DEDD: variants seen among roughly 807,000 people sequenced by gnomAD.
The protein encoded by DEDD is death effector domain containing.
Under a neutral mutation model 29.2 loss-of-function variants are expected in DEDD, and 3 were observed. The ratio of observed to expected loss-of-function variants is 0.10; its 90% CI spans 0.05 to 0.27. DEDD has a LOEUF of 0.27. Among genes scored for constraint, DEDD ranks in the 10% least tolerant of loss-of-function variants. The pLI is 1.00. For missense variants in DEDD, 261 were observed against 420.5 expected, an observed-to-expected ratio of 0.62 and a Z score of 3.32; for synonymous variants, 152 against 161.3, an observed-to-expected ratio of 0.94 and a Z score of 0.44.
chr1:161,122,585 A>G lies in DEDD; in HGVS notation c.581-62T>C, dbSNP rs1655626157. 2 of 1,555,184 alleles carry G rather than the reference A, an allele frequency of 1.3e-6. No individual in the cohort carries two copies. Among genetic ancestry groups the G allele is most frequent in the Middle Eastern group, 1.7e-4 (1 of 5,764 alleles). On this transcript the variant is annotated intron_variant, in intron 5 of 5. Coordinates refer to ENST00000368006, the MANE Select transcript of DEDD (RefSeq NM_032998.3). This position sits in a 1 kb window ranked among gnomAD's most constrained non-coding sequence, Gnocchi z 4.2. ...CAGTAAGGGATGAGTTTACAAGCCA[A>G]GCTTGAAAACTGAAAAGCACAACAG...
Position 161,123,162 on chromosome 1 carries a change from G to A in DEDD, c.493C>T (p.Arg165Trp), listed in dbSNP as rs763229280. The A allele has an allele frequency of 1.5e-5, 24 of 1,614,040 alleles. No individual in the cohort carries two copies. Among genetic ancestry groups the A allele is most frequent in the Non-Finnish European group, 1.9e-5 (23 of 1,180,042 alleles). The change falls in exon 5 of 6, where the codon CGG (arginine) becomes TGG (tryptophan). Residue 165 changes from arginine to tryptophan, a missense_variant. Arg to Trp is a moderately radical substitution (Grantham distance 101). Coordinates refer to ENST00000368006, the MANE Select transcript of DEDD (RefSeq NM_032998.3). ...AGTGTGGCTCTCCCTCGGGCTGGCC[G>A]CTTGCTACACATCTGAGGACCCGAA... Reference protein sequence around the residue: ...PTSGPQMCSKRPARGRATLGS... With the variant: ...PTSGPQMCSKWPARGRATLGS...
Position 161,124,279 on chromosome 1 carries a change from G to C in DEDD, c.184C>G (p.Arg62Gly). ...VIDDHERGLI[R>G]NGRDFLLALE... ...GCCAATAAGAAGTCACGTCCATTTCGGATGAGTCCACGCTCGTGGTCATCA... is the reference window on the plus strand; with the variant it reads ...GCCAATAAGAAGTCACGTCCATTTCCGATGAGTCCACGCTCGTGGTCATCA... Residue 62 changes from arginine to glycine, a missense_variant, in exon 3 of 6, where the codon CGA becomes GGA. This residue lies in a region of DEDD where 203 missense variants were observed against 268.7 expected (regional missense o/e 0.76). Coordinates refer to ENST00000368006, the MANE Select transcript of DEDD (RefSeq NM_032998.3). 1.9e-6 allele frequency: 3 copies of C among 1,614,206 alleles called. No homozygotes were observed. The highest frequency in any genetic ancestry group is 2.5e-6 in the Non-Finnish European group (3 of 1,180,028).
chr1:161,130,458 G>A (rs1290716837), intron 2 of DEDD, among the ~76,000 whole-genome samples: 4 of 152,104 alleles, frequency 2.6e-5, no homozygotes, highest in African/African-American at 7.2e-5. Context: ...GTTTCCCACG[G>A]AAGGAAGGTG....
chr1:161,124,231 C>T lies in DEDD; in HGVS notation c.232G>A (p.Asp78Asn), dbSNP rs1655901654. The change falls in exon 3 of 6, where the codon GAT (aspartate) becomes AAT (asparagine). Residue 78 changes from aspartate to asparagine, a missense_variant. By Grantham distance (23) the Asp-to-Asn change is conservative. Around this residue, in one of 2 missense-constraint regions of DEDD, gnomAD observed 203 missense variants for 268.7 expected, o/e 0.76. Transcript: ENST00000368006. ...AGCACCTGGCGAAAGTTACTTTCATCACAGCGGCCCTGGCGCTCCAGTGCC... is the reference window on the plus strand; with the variant it reads ...AGCACCTGGCGAAAGTTACTTTCATTACAGCGGCCCTGGCGCTCCAGTGCC... ...LLALERQGRC[D>N]ESNFRQVLQL... is the part of the protein sequence containing the mutation. The T allele has an allele frequency of 1.2e-6, 2 of 1,614,254 alleles. No individual in the cohort carries two copies. Among genetic ancestry groups the T allele is most frequent in the Non-Finnish European group, 1.7e-6 (2 of 1,180,052 alleles).
Position 161,121,242 on chromosome 1 carries a change from G to T in DEDD, c.*905C>A. 1.1e-6 allele frequency: 1 copy of T among 946,524 alleles called. No homozygotes were observed. Among genetic ancestry groups the T allele is most frequent in the African/African-American group, 1.8e-5 (1 of 56,414 alleles). 58.6% of individuals were successfully genotyped at this position (946,524 alleles called of 1,614,324 possible). On this transcript the variant is annotated 3_prime_UTR_variant, in exon 6 of 6. Coordinates refer to ENST00000368006, the MANE Select transcript of DEDD (RefSeq NM_032998.3). ...CCCAAGCATGGGAGTGGGCGTAGGAGTGGAGGAGGGGGAAGGAAAAAGGAA... is the reference window on the plus strand; with the variant it reads ...CCCAAGCATGGGAGTGGGCGTAGGATTGGAGGAGGGGGAAGGAAAAAGGAA...
In DEDD at chr1:161,122,578, C is replaced by G. The variant is rs1311779437; in HGVS notation, c.581-55G>C. On this transcript the variant is annotated intron_variant, in intron 5 of 5. Transcript: ENST00000368006. This position sits in a 1 kb window ranked among gnomAD's most constrained non-coding sequence, Gnocchi z 4.2. ...GAGGTTACAGTAAGGGATGAGTTTA[C>G]AAGCCAAGCTTGAAAACTGAAAAGC... 5 of 1,566,750 alleles carry G rather than the reference C, an allele frequency of 3.2e-6. No homozygotes were observed. The highest frequency in any genetic ancestry group is 3.5e-6 in the Non-Finnish European group (4 of 1,156,326).
At chr1:161,130,132 A>G (rs1427267022) in intron 2 of DEDD, among the ~76,000 whole-genome samples, 1 of 152,220 alleles carries the variant, frequency 6.6e-6, no homozygotes, top group Non-Finnish European at 1.5e-5. Flanking sequence ...AATAAAAAAG[A>G]GTGCTGTCTT....
At chr1:161,129,715 G>T (rs1239613578) in intron 2 of DEDD, among the ~76,000 whole-genome samples, 1 of 152,150 alleles carries the variant, frequency 6.6e-6, no homozygotes, top group Admixed American at 6.6e-5. Context: ...ATGGTGAGGA[G>T]AATGTAACCC....
intron 2 of DEDD, among the ~76,000 whole-genome samples, chr1:161,129,541 A>C (rs1444556758): frequency 1.5e-5 from 2 of 132,276 alleles, no homozygotes; most frequent in Non-Finnish European, 3.5e-5. Flanking sequence ...CCTTGCCTCA[A>C]AAAAAAAAAA....
rs775583251 is a variant in DEDD, at chr1:161,124,498, C to T, written c.-36G>A. 1.3e-6 allele frequency: 2 copies of T among 1,570,710 alleles called. No individual in the cohort carries two copies. The highest frequency in any genetic ancestry group is 2.4e-5 in the South Asian group (2 of 84,742). ...CAGGTACGCAATGCTTTCCAGAATCCCTGCTCAGCAGCTGCAATCCCCACC... is the reference window on the plus strand; with the variant it reads ...CAGGTACGCAATGCTTTCCAGAATCTCTGCTCAGCAGCTGCAATCCCCACC... On this transcript the variant is annotated 5_prime_UTR_variant, in exon 3 of 6. Coordinates refer to ENST00000368006, the MANE Select transcript of DEDD (RefSeq NM_032998.3).
At position 161,124,439 on chromosome 1, in the gene DEDD, T is replaced by G. The variant is rs1284662985; in HGVS notation, c.24A>C (p.Ala8=). 18 of 1,604,236 alleles carry G rather than the reference T, an allele frequency of 1.1e-5. No individual in the cohort carries two copies. The East Asian group carries it at 4.0e-4, about 36-fold the overall frequency. ...CATGCTCTTCTGGCCACACCTGGCTTGCCCGCCGCTTTAGGCCCGCCATGC... is the reference window on the plus strand; with the variant it reads ...CATGCTCTTCTGGCCACACCTGGCTGGCCCGCCGCTTTAGGCCCGCCATGC... The part of the protein sequence containing the change: MAGLKRR[A]SQVWPEEHGE... The change falls in exon 3 of 6, where the codon GCA becomes GCC. Residue 8 remains alanine (A), a synonymous_variant. Coordinates refer to ENST00000368006, the MANE Select transcript of DEDD (RefSeq NM_032998.3).
rs17389237 is a variant in DEDD at position 161,122,971 on chromosome 1, A to G, written c.580+104T>C. The G allele has an allele frequency of 0.083, 133,378 of 1,608,656 alleles. 5,876 individuals are homozygous for G. Among genetic ancestry groups the G allele is most frequent in the South Asian group, 0.14 (12,781 of 90,990 alleles). Reference sequence around the variant, plus strand: ...TCAGCCTCACTTTGCAATGGCAATCAAAGTGAATCTCACACTGAATAGCAT... The same window carrying G: ...TCAGCCTCACTTTGCAATGGCAATCGAAGTGAATCTCACACTGAATAGCAT... On this transcript the variant is annotated intron_variant, in intron 5 of 5. Transcript: ENST00000368006. This position sits in a 1 kb window ranked among gnomAD's most constrained non-coding sequence, Gnocchi z 4.2.
intron 4 of DEDD, 57 bp from the exon 5 acceptor site, chr1:161,123,278 A>C: frequency 2.0e-6 from 3 of 1,499,948 alleles, no homozygotes; most frequent in Non-Finnish European, 2.8e-6. Flanking sequence ...AAATTCAAAC[A>C]CTTCTGTTGG....
chr1:161,126,343 CTTTTTTTTTT>C (rs538174697), intron 2 of DEDD, among the ~76,000 whole-genome samples: 23 of 132,506 alleles, frequency 1.7e-4, no homozygotes, highest in African/African-American at 6.6e-4. Flanking sequence ...ACTCCAAACT[CTTTTTTTTTT>C]TTTTTTTTTT....
rs1181749122 is a variant in DEDD at position 161,121,971 on chromosome 1, G to A, written c.*176C>T. On this transcript the variant is annotated 3_prime_UTR_variant, in exon 6 of 6. Transcript: ENST00000368006. ...AAATAAAGGGGAAGCCCAGGCACATGGGTGCAGGGAGGGGTGGGGAATACC... is the reference window on the plus strand; with the variant it reads ...AAATAAAGGGGAAGCCCAGGCACATAGGTGCAGGGAGGGGTGGGGAATACC... The A allele has an allele frequency of 7.8e-6, 6 of 764,678 alleles. No individual in the cohort carries two copies. Among genetic ancestry groups the A allele is most frequent in the Non-Finnish European group, 1.2e-5 (6 of 485,912 alleles). The allele number at this position is 764,678 out of a possible 1,614,324, so 47.4% of individuals were successfully genotyped here.
At chr1:161,123,743 G>A in intron 4 of DEDD, 96 bp downstream of exon 4, 2 of 1,101,626 alleles carry the variant, frequency 1.8e-6, no homozygotes, top group Non-Finnish European at 1.3e-6. Flanking sequence ...TGGGCGCACA[G>A]CATCCTTTCA....
intron 1 of DEDD, among the ~76,000 whole-genome samples, chr1:161,131,774 G>C (rs1364354990): frequency 1.3e-5 from 2 of 151,676 alleles, no homozygotes; most frequent in Non-Finnish European, 1.5e-5. Flanking sequence ...AAAAGCTAAG[G>C]GCCTGGCAAT....
At chr1:161,127,537 C>G (rs1201208188) in intron 2 of DEDD, among the ~76,000 whole-genome samples, 1 of 152,172 alleles carries the variant, frequency 6.6e-6, no homozygotes, top group African/African-American at 2.4e-5. Flanking sequence ...AGGGGAGGTA[C>G]ACTCTGGGAT....
At position 161,123,203 on chromosome 1, in the gene DEDD, A is replaced by G; in HGVS notation, c.452T>C (p.Val151Ala). Residue 151 changes from valine to alanine, a missense_variant, in exon 5 of 6, where the codon GTG becomes GCG. Physicochemically the swap from Val to Ala is moderately conservative, Grantham distance 64. Transcript: ENST00000368006. ...PSKTVPPHYP[V>A]VCCPTSGPQM... Reference sequence around the variant, plus strand: ...AGGACCCGAAGTGGGGCAACACACCACAGGATAGTGGGGAGGCACTGACCA... The same window carrying G: ...AGGACCCGAAGTGGGGCAACACACCGCAGGATAGTGGGGAGGCACTGACCA... 1.2e-6 allele frequency: 2 copies of G among 1,614,198 alleles called. No individual in the cohort carries two copies. Among genetic ancestry groups the G allele is most frequent in the South Asian group, 1.1e-5 (1 of 91,088 alleles).
Sources: gnomAD v4.1 joint callset for allele counts (sites outside exome capture counted in the v4.1 genomes callset) on GRCh38, gnomAD v4.1.1 for gene constraint, gnomAD v4.1.1 regional missense constraint, Gnocchi (gnomAD v3.1) non-coding constraint, MANE v1.5 for transcripts, NCBI Gene and HGNC (gene_info 2026-07-23, HGNC 2026-07-21) for gene names.